The following NELFB variants were observed in gnomAD, a reference collection of about 807,000 sequenced individuals.
NELFB encodes the protein negative elongation factor complex member B, also known as negative elongation factor B.
Under a neutral mutation model 60.2 loss-of-function variants are expected in NELFB, and 34 were observed. That is an observed-to-expected ratio of 0.56 (90% CI 0.43 to 0.75). NELFB has a LOEUF of 0.75. Ranked by LOEUF, NELFB falls within the 30% of genes least tolerant of loss-of-function variation. The probability of loss-of-function intolerance (pLI) is 0.00; values close to 1 mark genes in which losing one functional copy is unlikely to be tolerated. For missense variants in NELFB, 770 were observed against 831.6 expected (o/e 0.93, Z 0.91); for synonymous variants, 459 against 382.1 (o/e 1.20, Z -2.35).
chr9:137,264,441 C>A, intron 6 of NELFB, 84 bp downstream of exon 6: 1 of 988,452 alleles, frequency 1.0e-6, no homozygotes, highest in Non-Finnish European at 1.5e-6. Flanking sequence ...CCGTGGGTAG[C>A]AGGCGTTTAT....
intron 4 of NELFB, among the ~76,000 whole-genome samples, chr9:137,261,388 T>A (rs1287011248): frequency 6.9e-6 from 1 of 145,168 alleles, no homozygotes; most frequent in Non-Finnish European, 1.5e-5. Context: ...GTCAGGTGTG[T>A]GGCTCATGCC....
intron 4 of NELFB, among the ~76,000 whole-genome samples, chr9:137,260,123 C>T (rs1830414708): frequency 6.6e-6 from 1 of 150,626 alleles, no homozygotes; most frequent in East Asian, 2.0e-4. Context: ...AATCTCGGCT[C>T]ACTGCAAGCT....
At chr9:137,271,323 C>T (rs528399397) in intron 10 of NELFB, among the ~76,000 whole-genome samples, 64 of 152,386 alleles carry the variant, frequency 4.2e-4, no homozygotes, top group Admixed American at 1.3e-3. Flanking sequence ...GCTGGGTTGT[C>T]CTCATAAAGG....
intron 10 of NELFB, among the ~76,000 whole-genome samples, chr9:137,268,564 C>T (rs1392496012): frequency 3.3e-5 from 5 of 152,088 alleles, no homozygotes; most frequent in Admixed American, 2.6e-4. Flanking sequence ...CCAGCCCAGG[C>T]GACAGAGCGA....
intron 4 of NELFB, among the ~76,000 whole-genome samples, chr9:137,260,209 C>G (rs1830416008): frequency 6.7e-6 from 1 of 150,008 alleles, no homozygotes; most frequent in Non-Finnish European, 1.5e-5. Flanking sequence ...ACCACCACGC[C>G]CAGCTATGTT....
chr9:137,271,200 G>A (rs528859623), intron 10 of NELFB, among the ~76,000 whole-genome samples: 2 of 152,372 alleles, frequency 1.3e-5, no homozygotes, highest in East Asian at 1.9e-4. Context: ...CACGTGTCCC[G>A]TGGCCACCTG....
intron 4 of NELFB, among the ~76,000 whole-genome samples, chr9:137,257,319 C>T (rs1837570955): frequency 6.6e-6 from 1 of 152,150 alleles, no homozygotes. Flanking sequence ...AGTTAATCCC[C>T]CCTCCCCTAC....
chr9:137,272,211 C>T lies in NELFB; in HGVS notation c.1620C>T (p.Thr540=), dbSNP rs199722412. 285 of 1,614,018 alleles carry T rather than the reference C, an allele frequency of 1.8e-4. No homozygotes were observed. Among genetic ancestry groups the T allele is most frequent in the Non-Finnish European group, 1.6e-4 (184 of 1,180,028 alleles). The change falls in exon 11 of 13, where the codon ACC becomes ACT. Residue 540 remains threonine, a synonymous_variant. Coordinates refer to ENST00000343053, the MANE Select transcript of NELFB (RefSeq NM_015456.5). Reference sequence around the variant, plus strand: ...GCCTCTTCGATGGCTTCTTCCTCACCGCCTCTCCAAGGTAGGCCTGCTGGG... The same window carrying T: ...GCCTCTTCGATGGCTTCTTCCTCACTGCCTCTCCAAGGTAGGCCTGCTGGG...
Position 137,262,969 on chromosome 9 carries a change from G to C in NELFB, c.742-68G>C, listed in dbSNP as rs965855145. On this transcript the variant is annotated intron_variant, in intron 4 of 12. Transcript: ENST00000343053. ...CAGAGAGAGGGCCGCGCTGTCGCCGGGCGTGACGTCCCTGTGTCTGGCGGA... is the reference window on the plus strand; with the variant it reads ...CAGAGAGAGGGCCGCGCTGTCGCCGCGCGTGACGTCCCTGTGTCTGGCGGA... 8.2e-5 allele frequency: 128 copies of C among 1,555,744 alleles called. 1 individual carries two copies. The highest frequency in any genetic ancestry group is 1.6e-5 in the Non-Finnish European group (18 of 1,137,416).
intron 9 of NELFB, 46 bp downstream of exon 9, chr9:137,267,132 A>T (rs762708328): frequency 6.2e-7 from 1 of 1,612,916 alleles, no homozygotes; most frequent in African/African-American, 1.3e-5. Flanking sequence ...TGGCGCAGGG[A>T]TGGCACTGTT....
chr9:137,256,864 A>G lies in NELFB; in HGVS notation c.551A>G (p.Glu184Gly), dbSNP rs1837561766. 1 of 1,614,156 alleles carries G rather than the reference A, an allele frequency of 6.2e-7. No homozygotes were observed. Reference sequence around the variant, plus strand: ...CTGAAGCTGGTTATGGCTGACAAGGAGCTGTATCGAGCCTGCGCCGTGGAG... The same window carrying G: ...CTGAAGCTGGTTATGGCTGACAAGGGGCTGTATCGAGCCTGCGCCGTGGAG... Residue 184 changes from glutamate (E) to glycine (G), a missense_variant, in exon 4 of 13, where the codon GAG becomes GGG. By Grantham distance (98) the Glu-to-Gly change is moderately conservative. Transcript: ENST00000343053.
rs758265148 is a variant in NELFB, at chr9:137,256,056, G to C, written c.396G>C (p.Gly132=). Residue 132 remains glycine, a synonymous_variant, in exon 2 of 13, where the codon GGG becomes GGC. Transcript: ENST00000343053. ...GAGTGTCAGCCATCGCTTCGGAGGGGAAGGCTGAGGAAAGGTGGGTCAGCG... is the reference window on the plus strand; with the variant it reads ...GAGTGTCAGCCATCGCTTCGGAGGGCAAGGCTGAGGAAAGGTGGGTCAGCG... 1 of 1,613,356 alleles carries C rather than the reference G, an allele frequency of 6.2e-7. No individual in the cohort carries two copies. Among genetic ancestry groups the C allele is most frequent in the Admixed American group, 1.7e-5 (1 of 60,014 alleles).
At chr9:137,258,537 C>T (rs1318748309) in intron 4 of NELFB, among the ~76,000 whole-genome samples, 5 of 151,586 alleles carry the variant, frequency 3.3e-5, no homozygotes, top group Non-Finnish European at 7.4e-5. Context: ...TAACCTCTGC[C>T]TCCTGAGTTC....
Position 137,255,898 on chromosome 9 carries a change from C to A in NELFB, c.247-9C>A. 6.2e-7 allele frequency: 1 copy of A among 1,612,868 alleles called. No individual in the cohort carries two copies. The highest frequency in any genetic ancestry group is 1.1e-5 in the South Asian group (1 of 91,066). The stretch of plus-strand genomic sequence containing the variant: ...GGGCTGCGTTTGAGGTTTCTCTTGG[C>A]TTCCTCAGACAGAGAATGGTGTGCT... On this transcript the variant is annotated splice_polypyrimidine_tract_variant and intron_variant, in intron 1 of 12. Coordinates refer to ENST00000343053, the MANE Select transcript of NELFB (RefSeq NM_015456.5).
intron 6 of NELFB, among the ~76,000 whole-genome samples, chr9:137,264,574 T>C (rs1049074424): frequency 1.3e-5 from 2 of 152,246 alleles, no homozygotes; most frequent in African/African-American, 4.8e-5. Flanking sequence ...TAAGCCATTC[T>C]CCTGCCTCAG....
chr9:137,263,186 C>A lies in NELFB; in HGVS notation c.891C>A (p.Asp297Glu). ...TGCTCATGTCCCTGCACGACCTGGA[C>A]GTGGGTGAAATCTGCACCGTGGACC... Residue 297 changes from aspartate (D) to glutamate (E), a missense_variant, in exon 5 of 13, where the codon GAC becomes GAA. Asp to Glu is a conservative substitution (Grantham distance 45). Coordinates refer to ENST00000343053, the MANE Select transcript of NELFB (RefSeq NM_015456.5). 3.1e-6 allele frequency: 5 copies of A among 1,613,560 alleles called. No individual in the cohort carries two copies. Among genetic ancestry groups the A allele is most frequent in the Non-Finnish European group, 4.2e-6 (5 of 1,179,890 alleles).
At position 137,272,526 on chromosome 9, in the gene NELFB, C is replaced by T. The variant is rs896832553; in HGVS notation, c.1651C>T (p.His551Tyr). 1.2e-6 allele frequency: 2 copies of T among 1,612,208 alleles called. No individual in the cohort carries two copies. The highest frequency in any genetic ancestry group is 1.7e-6 in the Non-Finnish European group (2 of 1,179,630). Residue 551 changes from histidine to tyrosine, a missense_variant, in exon 12 of 13, where the codon CAC (histidine) becomes TAC (tyrosine). Coordinates refer to ENST00000343053, the MANE Select transcript of NELFB (RefSeq NM_015456.5). ...TTCCAGGAAGGAGAACGTGCACCGG[C>T]ACGCGCTGCGGCTCCTCATTCACCT...
At position 137,256,916 on chromosome 9, in the gene NELFB, C is replaced by T; in HGVS notation, c.603C>T (p.Asn201=). The T allele has an allele frequency of 6.2e-7, 1 of 1,614,238 alleles. No individual in the cohort carries two copies. The highest frequency in any genetic ancestry group is 8.5e-7 in the Non-Finnish European group (1 of 1,180,052). Residue 201 remains asparagine, a synonymous_variant, in exon 4 of 13, where the codon AAC becomes AAT. Coordinates refer to ENST00000343053, the MANE Select transcript of NELFB (RefSeq NM_015456.5). ...TGAAGCGGCAGATCTGGCAAGACAACCAGGCCCTCTTCGGGGACGAGGTTT... is the reference window on the plus strand; with the variant it reads ...TGAAGCGGCAGATCTGGCAAGACAATCAGGCCCTCTTCGGGGACGAGGTTT...
intron 10 of NELFB, among the ~76,000 whole-genome samples, chr9:137,268,709 A>G (rs1006648858): frequency 2.0e-5 from 3 of 152,200 alleles, no homozygotes; most frequent in Admixed American, 2.0e-4. Flanking sequence ...GCAGAGGGCA[A>G]GAGAGCACGG....
Sources: gnomAD v4.1 joint callset for allele counts (sites outside exome capture counted in the v4.1 genomes callset) on GRCh38, gnomAD v4.1.1 for gene constraint, MANE v1.5 for transcripts, NCBI Gene and HGNC (gene_info 2026-07-23, HGNC 2026-07-21) for gene names.